ANO10: variants seen among roughly 807,000 people sequenced by gnomAD.
ANO10 encodes the protein anoctamin 10.
In ANO10, 77 loss-of-function variants were observed where a neutral mutation model predicts 74.7. The observed-to-expected ratio is 1.03, with a 90% CI of 0.86 to 1.25. The LOEUF (loss-of-function observed/expected upper bound fraction) is 1.25. Among genes scored for constraint, ANO10 ranks in the 50% most tolerant of loss-of-function variants. The pLI, the probability that ANO10 is intolerant of heterozygous loss-of-function variation, is 0.00. For synonymous variants in ANO10, 279 were observed against 284.9 expected, an observed-to-expected ratio of 0.98 and a Z score of 0.21; for missense variants, 721 against 778.1, an observed-to-expected ratio of 0.93 and a Z score of 0.87.
At chr3:43,581,164 A>G (rs4682690) in intron 4 of ANO10, among the ~76,000 whole-genome samples, 87,156 of 152,032 alleles carry the variant, frequency 0.57, 26,183 homozygotes, top group East Asian at 0.89. Context: ...GAAAAAATTT[A>G]CCAATCTGTC....
chr3:43,689,091 G>A lies in ANO10; in HGVS notation c.-12+2426C>T, dbSNP rs149233214. ...CCAGATCTCACAAGAACTTACTATT[G>A]CAAGGACAGCATTAAGGGGATAGTG... On this transcript the variant is annotated intron_variant, in intron 1 of 3. Transcript: ENST00000413397. 9.7e-4 allele frequency among the ~76,000 whole-genome samples: 148 copies of A among 152,230 alleles called. 1 individual carries two copies. The highest frequency in any genetic ancestry group is 3.4e-3 in the African/African-American group (142 of 41,552).
intron 10 of ANO10, chr3:43,551,693 G>T: frequency 5.7e-6 from 2 of 350,256 alleles, no homozygotes; most frequent in Non-Finnish European, 1.1e-5. Context: ...TCATAGAATG[G>T]TCCTCTCTGG....
At chr3:43,449,230 C>G (rs1349230151) in intron 11 of ANO10, among the ~76,000 whole-genome samples, 3 of 152,066 alleles carry the variant, frequency 2.0e-5, no homozygotes, top group African/African-American at 7.2e-5. Flanking sequence ...ATTTTGGATA[C>G]AAATCCTTTA....
At chr3:43,376,532 C>A (rs547458236) in intron 12 of ANO10, among the ~76,000 whole-genome samples, 10 of 152,272 alleles carry the variant, frequency 6.6e-5, no homozygotes, top group African/African-American at 2.4e-4. Flanking sequence ...GCTACAATTA[C>A]TTCTGGAATG....
At chr3:43,529,348 G>C (rs1168721229) in intron 11 of ANO10, among the ~76,000 whole-genome samples, 7 of 152,176 alleles carry the variant, frequency 4.6e-5, no homozygotes, top group African/African-American at 1.7e-4. Context: ...AAGAACTTGA[G>C]AACTCTTCTT....
intron 1 of ANO10, among the ~76,000 whole-genome samples, chr3:43,685,506 T>C (rs954938095): frequency 2.6e-5 from 4 of 152,230 alleles, no homozygotes; most frequent in Non-Finnish European, 5.9e-5. Flanking sequence ...AACATCTTTT[T>C]ATGTGTCTCT....
chr3:43,468,106 T>G (rs972124984), intron 11 of ANO10, among the ~76,000 whole-genome samples: 1 of 152,342 alleles, frequency 6.6e-6, no homozygotes, highest in East Asian at 1.9e-4. Context: ...TTTCCTTTCA[T>G]AGCAAAATTA....
At position 43,577,171 on chromosome 3, in the gene ANO10, A is replaced by G. The variant is rs772633592; in HGVS notation, c.683T>C (p.Ile228Thr). ...CACAAACAAGTAGTAAGGTAACCCAATGACAGCCATGGGGATTAATGCAAA... is the reference window on the plus strand; with the variant it reads ...CACAAACAAGTAGTAAGGTAACCCAGTGACAGCCATGGGGATTAATGCAAA... ...FTFALIPMAVIGLPYYLFVWE... is the reference protein window; with the variant it reads ...FTFALIPMAVTGLPYYLFVWE... Residue 228 changes from isoleucine (I) to threonine (T), a missense_variant, in exon 6 of 13, where the codon ATT (isoleucine) becomes ACT (threonine). By Grantham distance (89) the Ile-to-Thr change is moderately conservative. Coordinates refer to ENST00000292246, the MANE Select transcript of ANO10 (RefSeq NM_018075.5). The G allele has an allele frequency of 3.1e-6, 5 of 1,614,068 alleles. No homozygotes were observed. The highest frequency in any genetic ancestry group is 4.5e-5 in the East Asian group (2 of 44,892).
intron 1 of ANO10, among the ~76,000 whole-genome samples, chr3:43,609,328 A>G (rs2082706328): frequency 6.6e-6 from 1 of 152,244 alleles, no homozygotes; most frequent in South Asian, 2.1e-4. Context: ...ACAGTTCAAG[A>G]TAAAATGACA....
At chr3:43,483,386 T>C (rs2076344910) in intron 11 of ANO10, among the ~76,000 whole-genome samples, 1 of 152,190 alleles carries the variant, frequency 6.6e-6, no homozygotes, top group South Asian at 2.1e-4. Flanking sequence ...TAAAATGGTA[T>C]CTCATCAGAG....
At chr3:43,518,659 C>G (rs933892800) in intron 11 of ANO10, among the ~76,000 whole-genome samples, 1 of 152,070 alleles carries the variant, frequency 6.6e-6, no homozygotes, top group African/African-American at 2.4e-5. Flanking sequence ...AGGGGGAGGT[C>G]TCTAAAATGG....
chr3:43,660,025 T>C (rs2083906718), intron 1 of ANO10, among the ~76,000 whole-genome samples: 3 of 152,078 alleles, frequency 2.0e-5, no homozygotes, highest in African/African-American at 7.2e-5. Flanking sequence ...GAAGGAAAAC[T>C]AACAAACAGA....
At chr3:43,525,669 A>T (rs1048020475) in intron 11 of ANO10, among the ~76,000 whole-genome samples, 6 of 152,200 alleles carry the variant, frequency 3.9e-5, no homozygotes, top group African/African-American at 1.2e-4. Flanking sequence ...GCAGGGAAAG[A>T]TGTTTTGTCT....
chr3:43,617,047 G>A (rs182158692), intron 1 of ANO10, among the ~76,000 whole-genome samples: 1 of 151,144 alleles, frequency 6.6e-6, no homozygotes, highest in Admixed American at 6.6e-5. Flanking sequence ...AATATCAAGT[G>A]TAAGGTGTAA....
rs79363304 is a variant in ANO10, at chr3:43,524,948, A to G, written c.1797+24772T>C. 1.1e-4 allele frequency among the ~76,000 whole-genome samples: 17 copies of G among 152,298 alleles called. No individual in the cohort carries two copies. The East Asian group carries it at 2.7e-3, about 24-fold the overall frequency. ...CAGGATCCTTCCCTAGAACCACTGCAGTTACCACCTAACTCACTGACTCTT... is the reference window on the plus strand; with the variant it reads ...CAGGATCCTTCCCTAGAACCACTGCGGTTACCACCTAACTCACTGACTCTT... On this transcript the variant is annotated intron_variant, in intron 11 of 12. Coordinates refer to ENST00000292246, the MANE Select transcript of ANO10 (RefSeq NM_018075.5).
At chr3:43,583,862 ATATC>A (rs1478260481) in intron 4 of ANO10, among the ~76,000 whole-genome samples, 2 of 152,244 alleles carry the variant, frequency 1.3e-5, no homozygotes, top group Middle Eastern at 3.2e-3. Flanking sequence ...TTCTAAAAGA[ATATC>A]TATATAATAT....
At chr3:43,532,940 A>G (rs1396857173) in intron 11 of ANO10, among the ~76,000 whole-genome samples, 1 of 152,050 alleles carries the variant, frequency 6.6e-6, no homozygotes, top group Non-Finnish European at 1.5e-5. Context: ...CCTGTTCTGC[A>G]TGGCACAAAC....
At chr3:43,537,158 C>T (rs1429065694) in intron 11 of ANO10, among the ~76,000 whole-genome samples, 5 of 152,186 alleles carry the variant, frequency 3.3e-5, no homozygotes, top group African/African-American at 9.7e-5. Context: ...AGAGCTCTAC[C>T]TGTCATCTTG....
At chr3:43,402,558 C>T (rs1000143893) in intron 12 of ANO10, among the ~76,000 whole-genome samples, 1 of 152,148 alleles carries the variant, frequency 6.6e-6, no homozygotes, top group Non-Finnish European at 1.5e-5. Context: ...CCCCAGCAGC[C>T]CTTACCCCTG....
Sources: allele counts gnomAD v4.1 joint callset (sites outside exome capture counted in the v4.1 genomes callset), GRCh38; gene constraint gnomAD v4.1.1; transcripts MANE v1.5; gene names NCBI Gene and HGNC (gene_info 2026-07-23, HGNC 2026-07-21).